Variants in KCNMA1 observed in about 807,000 individuals in gnomAD.
The protein encoded by KCNMA1 is Calcium-activated potassium channel subunit alpha-1.
In KCNMA1, 29 loss-of-function variants were observed where a neutral mutation model predicts 140.0. That is an observed-to-expected ratio of 0.21 (90% confidence interval 0.15 to 0.28). KCNMA1 has a LOEUF of 0.28. Ranked by LOEUF, KCNMA1 falls within the 10% of genes least tolerant of loss-of-function variation. KCNMA1 has a pLI of 1.00. For missense variants in KCNMA1, 880 were observed against 1,602.2 expected (o/e 0.55, Z 7.70); for synonymous variants, 612 against 611.9 (o/e 1.00, Z 0.00).
At chr10:77,270,020 C>T (rs560855565) in intron 2 of KCNMA1, among the ~76,000 whole-genome samples, 187 of 152,294 alleles carry the variant, frequency 1.2e-3, no homozygotes, top group African/African-American at 4.4e-3. Flanking sequence ...AGGCTGTTCC[C>T]TGGCTCTGTG....
At chr10:77,006,157 T>C (rs993730778) in intron 18 of KCNMA1, among the ~76,000 whole-genome samples, 1 of 152,198 alleles carries the variant, frequency 6.6e-6, no homozygotes, top group Non-Finnish European at 1.5e-5. Context: ...TGCAGAATCT[T>C]AATTTCCAGG....
intron 1 of KCNMA1, among the ~76,000 whole-genome samples, chr10:77,631,559 A>G (rs1432950300): frequency 6.6e-6 from 1 of 152,192 alleles, no homozygotes; most frequent in African/African-American, 2.4e-5. Flanking sequence ...CGGGACGCCC[A>G]CTTTGGGAAG....
chr10:77,539,551 G>A (rs1346648239), intron 1 of KCNMA1, among the ~76,000 whole-genome samples: 1 of 152,114 alleles, frequency 6.6e-6, no homozygotes, highest in Admixed American at 6.5e-5. Flanking sequence ...GCTCTGGCAG[G>A]GCCCCTCATC....
At chr10:76,966,414 T>C (rs955504869) in intron 20 of KCNMA1, among the ~76,000 whole-genome samples, 2 of 152,198 alleles carry the variant, frequency 1.3e-5, no homozygotes, top group South Asian at 4.1e-4. Flanking sequence ...ATTTCAGGAA[T>C]CCATTAACCT....
At chr10:76,920,038 A>AT (rs1564912051) in intron 23 of KCNMA1, among the ~76,000 whole-genome samples, 3 of 117,190 alleles carry the variant, frequency 2.6e-5, no homozygotes, top group Non-Finnish European at 5.1e-5. Flanking sequence ...ATATATATAT[A>AT]TATATATATA....
At chr10:77,140,866 T>C (rs538247662) in intron 5 of KCNMA1, 10 of 152,246 alleles carry the variant, frequency 6.6e-5, no homozygotes, top group African/African-American at 2.4e-4. Flanking sequence ...CCTTTGGACA[T>C]GGTTTAGGGG....
intron 1 of KCNMA1, among the ~76,000 whole-genome samples, chr10:77,628,211 AC>A (rs987315703): frequency 1.3e-5 from 2 of 152,218 alleles, no homozygotes; most frequent in Admixed American, 1.3e-4. Context: ...AAAGATGCAG[AC>A]CCATCGTGGC....
intron 2 of KCNMA1, among the ~76,000 whole-genome samples, chr10:77,349,655 G>A (rs2092630315): frequency 6.6e-6 from 1 of 152,094 alleles, no homozygotes; most frequent in East Asian, 1.9e-4. Flanking sequence ...GAGTCAATCA[G>A]AAAATCATTA....
At chr10:77,635,908 A>C (rs1382982688) in intron 1 of KCNMA1, 1 of 159,210 alleles carries the variant, frequency 6.3e-6, no homozygotes. Flanking sequence ...ATTAATGATC[A>C]GGAGAGACAG....
At chr10:77,566,534 G>A (rs187237594) in intron 1 of KCNMA1, among the ~76,000 whole-genome samples, 6 of 152,328 alleles carry the variant, frequency 3.9e-5, no homozygotes, top group African/African-American at 9.6e-5. Context: ...CCTGCAGGCT[G>A]AGCCCCCATC....
At chr10:76,993,593 C>T (rs575424618) in intron 19 of KCNMA1, among the ~76,000 whole-genome samples, 5 of 152,332 alleles carry the variant, frequency 3.3e-5, no homozygotes, top group Middle Eastern at 3.4e-3. Context: ...AGCTGGGGCC[C>T]GCCCACAACA....
chr10:77,509,101 T>TTGTTG (rs1555403179), intron 1 of KCNMA1, among the ~76,000 whole-genome samples: 40 of 119,032 alleles, frequency 3.4e-4, no homozygotes, highest in Middle Eastern at 4.7e-3. Flanking sequence ...TTTGTTGGGT[T>TTGTTG]TTGTTGTTGT....
intron 1 of KCNMA1, among the ~76,000 whole-genome samples, chr10:77,466,495 A>G (rs1449826806): frequency 6.6e-6 from 1 of 152,210 alleles, no homozygotes. Flanking sequence ...GGCAGAAAGG[A>G]TTCCTGTCCT....
intron 3 of KCNMA1, among the ~76,000 whole-genome samples, chr10:77,242,215 T>C (rs2057445571): frequency 6.6e-6 from 1 of 152,246 alleles, no homozygotes; most frequent in African/African-American, 2.4e-5. Flanking sequence ...TCCAAAAGTT[T>C]TAATCATCTA....
chr10:76,891,445 G>A, intron 26 of KCNMA1, 80 bp downstream of exon 26: 1 of 1,095,190 alleles, frequency 9.1e-7, no homozygotes, highest in South Asian at 1.3e-5. Flanking sequence ...TGCCTAGCTT[G>A]TCACATCTGA....
At chr10:77,395,481 G>A (rs2096014832) in intron 2 of KCNMA1, among the ~76,000 whole-genome samples, 1 of 152,254 alleles carries the variant, frequency 6.6e-6, no homozygotes, top group South Asian at 2.1e-4. Flanking sequence ...CAAAGTGAGT[G>A]CTATGTGATG....
intron 2 of KCNMA1, among the ~76,000 whole-genome samples, chr10:77,381,411 C>A (rs929929269): frequency 3.9e-5 from 6 of 151,914 alleles, no homozygotes; most frequent in African/African-American, 1.5e-4. Context: ...AGTAAAATTC[C>A]TTCCAAAAAA....
intron 14 of KCNMA1, among the ~76,000 whole-genome samples, chr10:77,070,615 G>T (rs990964954): frequency 1.3e-5 from 2 of 152,102 alleles, no homozygotes; most frequent in African/African-American, 2.4e-5. Flanking sequence ...GGATACGGAG[G>T]TCATTGGAGA....
intron 12 of KCNMA1, among the ~76,000 whole-genome samples, chr10:77,080,087 A>G (rs1487539352): frequency 1.3e-5 from 2 of 152,192 alleles, no homozygotes; most frequent in African/African-American, 2.4e-5. Flanking sequence ...CTTTAATATG[A>G]TTGCCTAAGT....
Sources: gnomAD v4.1 joint callset for allele counts (sites outside exome capture counted in the v4.1 genomes callset) on GRCh38, gnomAD v4.1.1 for gene constraint, MANE v1.5 for transcripts, NCBI Gene and HGNC (gene_info 2026-07-23, HGNC 2026-07-21) for gene names.